ASPM: variants seen among roughly 807,000 people sequenced by gnomAD.
ASPM encodes the protein assembly factor for spindle microtubules.
Under a neutral mutation model 366.4 loss-of-function variants are expected in ASPM, and 256 were observed. That is an observed-to-expected ratio of 0.70 (90% CI 0.63 to 0.77). ASPM has a LOEUF of 0.77. Among genes scored for constraint, ASPM ranks in the 30% least tolerant of loss-of-function variants. The probability of loss-of-function intolerance (pLI) is 0.00; values close to 1 mark genes in which losing one functional copy is unlikely to be tolerated. For synonymous variants in ASPM, 1,414 were observed against 1,342.9 expected, an observed-to-expected ratio of 1.05 and a Z score of -1.16; for missense variants, 4,146 against 4,090.4, an observed-to-expected ratio of 1.01 and a Z score of -0.37.
rs368693433 is a variant in ASPM, at chr1:197,103,402, G to A, written c.5849C>T (p.Ala1950Val). 41 of 1,612,972 alleles carry A rather than the reference G, an allele frequency of 2.5e-5. No homozygotes were observed. Among genetic ancestry groups the A allele is most frequent in the East Asian group, 1.1e-4 (5 of 44,852 alleles). Reference sequence around the variant, plus strand: ...CCACATAGATTGAAGCACCAGTACCGCATGACGGAGTTCAATATACTCCAT... The same window carrying A: ...CCACATAGATTGAAGCACCAGTACCACATGACGGAGTTCAATATACTCCAT... ...QCMEYIELRH[A>V]VLVLQSMWKG... Residue 1950 changes from alanine (A) to valine (V), a missense_variant, in exon 18 of 28, where the codon GCG (alanine) becomes GTG (valine). Physicochemically the swap from Ala to Val is moderately conservative, Grantham distance 64. Transcript: ENST00000367409.
In ASPM at chr1:197,142,382, T is replaced by C. The variant is rs1405353602; in HGVS notation, c.1870A>G (p.Ile624Val). The part of the protein sequence containing the change: ...VKKTKNVTTP[I>V]SKRISNREKL... Reference sequence around the variant, plus strand: ...TCTCTGTTGCTAATACGTTTTGAGATGGGTGTTGTCACATTTTTTGTTTTC... The same window carrying C: ...TCTCTGTTGCTAATACGTTTTGAGACGGGTGTTGTCACATTTTTTGTTTTC... The change falls in exon 3 of 28, where the codon ATC becomes GTC. Residue 624 changes from isoleucine (I) to valine (V), a missense_variant. Ile to Val is a conservative substitution (Grantham distance 29). Transcript: ENST00000367409. 3 of 1,613,806 alleles carry C rather than the reference T, an allele frequency of 1.9e-6. No individual in the cohort carries two copies. Among genetic ancestry groups the C allele is most frequent in the Non-Finnish European group, 1.7e-6 (2 of 1,179,826 alleles).
rs1557965946 is a variant in ASPM, at chr1:197,143,504, G to C, written c.748C>G (p.Leu250Val). The stretch of plus-strand genomic sequence containing the variant: ...AGTTCCCTATTTTCTGATGCATGAA[G>C]AGATGAGTAGGTAGTAGATCGACGT... ...SVRRSTTYSS[L>V]HASENRELLN... The change falls in exon 3 of 28, where the codon CTT becomes GTT. Residue 250 changes from leucine (L) to valine (V), a missense_variant. Physicochemically the swap from Leu to Val is conservative, Grantham distance 32. Coordinates refer to ENST00000367409, the MANE Select transcript of ASPM (RefSeq NM_018136.5). The C allele has an allele frequency of 6.2e-7, 1 of 1,614,022 alleles. No homozygotes were observed. Among genetic ancestry groups the C allele is most frequent in the East Asian group, 2.2e-5 (1 of 44,880 alleles).
Position 197,142,686 on chromosome 1 carries a change from G to C in ASPM, c.1566C>G (p.Asn522Lys), listed in dbSNP as rs749981819. Residue 522 changes from asparagine to lysine, a missense_variant, in exon 3 of 28, where the codon AAC becomes AAG. By Grantham distance (94) the Asn-to-Lys change is moderately conservative (BLOSUM62 0). Around this residue, in one of 3 missense-constraint regions of ASPM, gnomAD observed 3,624 missense variants for 3,591.7 expected, o/e 1.01. Coordinates refer to ENST00000367409, the MANE Select transcript of ASPM (RefSeq NM_018136.5). Reference sequence around the variant, plus strand: ...CTTTTTCATGTTCACCCACTGCACTGTTGAGACATCTTTTTGCTTTTGGTT... The same window carrying C: ...CTTTTTCATGTTCACCCACTGCACTCTTGAGACATCTTTTTGCTTTTGGTT... Reference protein sequence around the residue: ...INKPKAKRCLNSAVGEHEKVI... With the variant: ...INKPKAKRCLKSAVGEHEKVI... 6.2e-7 allele frequency: 1 copy of C among 1,613,864 alleles called. No homozygotes were observed. The highest frequency in any genetic ancestry group is 8.5e-7 in the Non-Finnish European group (1 of 1,179,784).
At chr1:197,088,516 G>T in intron 25 of ASPM, 84 bp from the exon 26 acceptor site, 3 of 1,383,964 alleles carry the variant, frequency 2.2e-6, no homozygotes, top group South Asian at 2.5e-5. Flanking sequence ...AAATACAAAA[G>T]TCCATACTTA....
chr1:197,131,618 G>T (rs912326689), intron 7 of ASPM, among the ~76,000 whole-genome samples: 1 of 151,192 alleles, frequency 6.6e-6, no homozygotes, highest in Non-Finnish European at 1.5e-5. Context: ...GAGTGCAGTC[G>T]TGCGATCTCG....
In ASPM at chr1:197,142,328, C is replaced by T. The variant is rs760726929; in HGVS notation, c.1921+3G>A. ...TTCAGTAGATTTTATAAACAAGACT[C>T]ACCAGTTTTCTTCTTCAGGTTTAAT... On this transcript the variant is annotated splice_donor_region_variant and intron_variant, in intron 3 of 27. Transcript: ENST00000367409. 32 of 1,613,324 alleles carry T rather than the reference C, an allele frequency of 2.0e-5. No homozygotes were observed. Among genetic ancestry groups the T allele is most frequent in the South Asian group, 1.9e-4 (17 of 90,882 alleles).
intron 16 of ASPM, among the ~76,000 whole-genome samples, chr1:197,118,685 C>A (rs1452939866): frequency 1.3e-5 from 2 of 152,148 alleles, no homozygotes; most frequent in African/African-American, 4.8e-5. Flanking sequence ...CCATTTAAAT[C>A]TCACAACCAC....
intron 25 of ASPM, among the ~76,000 whole-genome samples, chr1:197,089,614 T>C (rs1166703107): frequency 6.6e-6 from 1 of 151,942 alleles, no homozygotes; most frequent in Non-Finnish European, 1.5e-5. Flanking sequence ...TGAACTACTT[T>C]AGAGGATTAT....
At chr1:197,137,901 T>C (rs1658470687) in intron 4 of ASPM, among the ~76,000 whole-genome samples, 1 of 152,250 alleles carries the variant, frequency 6.6e-6, no homozygotes, top group Non-Finnish European at 1.5e-5. Context: ...TTTGAATTCT[T>C]TATTCTAATA....
intron 17 of ASPM, among the ~76,000 whole-genome samples, chr1:197,115,208 CTTTG>C (rs1435810557): frequency 2.6e-5 from 4 of 152,154 alleles, no homozygotes; most frequent in African/African-American, 9.7e-5. Flanking sequence ...CAAGAAACTA[CTTTG>C]TTTGCTTATC....
At chr1:197,084,519 C>G in intron 27 of ASPM, 93 bp from the exon 28 acceptor site, 2 of 794,874 alleles carry the variant, frequency 2.5e-6, no homozygotes, top group Non-Finnish European at 2.1e-6. Flanking sequence ...TGTAGCTACT[C>G]CTGAACACAT....
At chr1:197,132,257 AT>A (rs767058691) in intron 7 of ASPM, 27 bp downstream of exon 7, 27 of 1,541,142 alleles carry the variant, frequency 1.8e-5, no homozygotes, top group Non-Finnish European at 2.2e-5. Context: ...AAAAAATATT[AT>A]TTTAGAAACC....
intron 27 of ASPM, among the ~76,000 whole-genome samples, chr1:197,086,540 T>C (rs1038858103): frequency 3.9e-5 from 6 of 152,216 alleles, no homozygotes; most frequent in African/African-American, 9.6e-5. Context: ...ACAAAACTTA[T>C]AACAAGCTTC....
intron 18 of ASPM, among the ~76,000 whole-genome samples, chr1:197,099,508 CT>C: frequency 6.6e-6 from 1 of 151,718 alleles, no homozygotes; most frequent in South Asian, 2.1e-4. Context: ...ATGTTACTCA[CT>C]CTGGGAAGTC....
intron 3 of ASPM, 69 bp downstream of exon 3, chr1:197,142,262 A>G: frequency 2.6e-6 from 4 of 1,525,020 alleles, no homozygotes; most frequent in Non-Finnish European, 3.6e-6. Flanking sequence ...TCAATAGCAG[A>G]TTTACTAAAC....
At chr1:197,116,130 C>T (rs895771061) in intron 17 of ASPM, among the ~76,000 whole-genome samples, 1 of 152,296 alleles carries the variant, frequency 6.6e-6, no homozygotes, top group African/African-American at 2.4e-5. Context: ...TCTACATCAG[C>T]ACTTGCTGCT....
chr1:197,097,104 C>A (rs933941976), intron 18 of ASPM, among the ~76,000 whole-genome samples: 8 of 151,570 alleles, frequency 5.3e-5, no homozygotes, highest in African/African-American at 1.9e-4. Context: ...GGGCTGGAGT[C>A]CTTTAAAATT....
rs1203135410 is a variant in ASPM at position 197,124,920 on chromosome 1, G to C, written c.3118C>G (p.His1040Asp). The C allele has an allele frequency of 1.9e-6, 3 of 1,612,182 alleles. No homozygotes were observed. The highest frequency in any genetic ancestry group is 1.1e-5 in the South Asian group (1 of 91,042). ...AGCAACCTGAGAGTTTTTTCTCTGTGCCTATCCACAATATCCTTAGATAGA... is the reference window on the plus strand; with the variant it reads ...AGCAACCTGAGAGTTTTTTCTCTGTCCCTATCCACAATATCCTTAGATAGA... The part of the protein sequence containing the change: ...TILSKDIVDR[H>D]REKTLRLLWK... Residue 1040 changes from histidine (H) to aspartate (D), a missense_variant, in exon 12 of 28, where the codon CAC (histidine) becomes GAC (aspartate). This residue lies in a region of ASPM where 3,624 missense variants were observed against 3,591.7 expected (regional missense o/e 1.01). Transcript: ENST00000367409.
In ASPM at chr1:197,100,685, ATCT is replaced by A. The variant is rs754019386; in HGVS notation, c.8563_8565del (p.Arg2855del). 11 of 1,612,254 alleles carry A rather than the reference ATCT, an allele frequency of 6.8e-6. No individual in the cohort carries two copies. The African/African-American group carries it at 9.4e-5, about 14-fold the overall frequency. On this transcript the variant is annotated inframe_deletion, in exon 18 of 28. Transcript: ENST00000367409. ...ATAGCAGCTCTTTTCTGCTGAACAA[ATCT>A]TCTCCGATACACAGCCATCTGAAGG...
Sources: allele counts gnomAD v4.1 joint callset (sites outside exome capture counted in the v4.1 genomes callset), GRCh38; gene constraint gnomAD v4.1.1; regional missense constraint gnomAD v4.1.1; transcripts MANE v1.5; gene names NCBI Gene and HGNC (gene_info 2026-07-23, HGNC 2026-07-21).